Variants in PXK observed in about 807,000 individuals in gnomAD.
PXK encodes the protein PX domain-containing protein kinase-like protein.
Under a neutral mutation model 84.7 loss-of-function variants are expected in PXK, and 35 were observed. That is an observed-to-expected ratio of 0.41 (90% confidence interval 0.32 to 0.55). The LOEUF (loss-of-function observed/expected upper bound fraction) is 0.55. PXK is among the 20% of genes least tolerant of loss of function. The pLI is 0.21. For missense variants in PXK, 634 were observed against 699.7 expected, an observed-to-expected ratio of 0.91 and a Z score of 1.06; for synonymous variants, 253 against 260.8, an observed-to-expected ratio of 0.97 and a Z score of 0.29.
At chr3:58,375,140 A>G (rs1266056048) in intron 3 of PXK, among the ~76,000 whole-genome samples, 1 of 152,206 alleles carries the variant, frequency 6.6e-6, no homozygotes, top group Non-Finnish European at 1.5e-5. Context: ...ACATCCCCAC[A>G]ATGAAAGAAA....
chr3:58,346,277 TA>T (rs996527094), intron 1 of PXK, among the ~76,000 whole-genome samples: 2 of 151,988 alleles, frequency 1.3e-5, no homozygotes, highest in Non-Finnish European at 2.9e-5. Context: ...TTAGGAAGCT[TA>T]ATTTGCTGTC....
rs570826907 is a variant in PXK, at chr3:58,404,698, T to C, written c.1230+788T>C. 5.9e-5 allele frequency among the ~76,000 whole-genome samples: 9 copies of C among 152,344 alleles called. No individual in the cohort carries two copies. In the South Asian group the frequency reaches 1.9e-3, roughly 32 times the overall value. ...CCATGGCTCTTGGCAGTGCTCACTA[T>C]GAGTGCGATTTGGGTAGGAGGATAA... On this transcript the variant is annotated intron_variant, in intron 13 of 17. Coordinates refer to ENST00000356151, the MANE Select transcript of PXK (RefSeq NM_017771.5).
At chr3:58,389,676 AC>A (rs76177406) in intron 4 of PXK, among the ~76,000 whole-genome samples, 44,170 of 136,520 alleles carry the variant, frequency 0.32, 7,228 homozygotes, top group Middle Eastern at 0.42. Flanking sequence ...ACAAAAACAA[AC>A]AAAAAAAAAA....
Position 58,382,559 on chromosome 3 carries a change from A to G in PXK, c.247A>G (p.Asn83Asp). The G allele has an allele frequency of 6.2e-7, 1 of 1,601,442 alleles. No homozygotes were observed. Among genetic ancestry groups the G allele is most frequent in the East Asian group, 2.3e-5 (1 of 44,136 alleles). The change falls in exon 4 of 18, where the codon AAC becomes GAC. Residue 83 changes from asparagine (N) to aspartate (D), a missense_variant. Around this residue, in one of 3 missense-constraint regions of PXK, gnomAD observed 353 missense variants for 385.2 expected, o/e 0.92. Coordinates refer to ENST00000356151, the MANE Select transcript of PXK (RefSeq NM_017771.5). The part of the protein sequence containing the change: ...LPLPPKKLIG[N>D]MDREFIAERQ... Reference sequence around the variant, plus strand: ...TCTTCCTCCCAAAAAATTGATTGGTAACATGGATCGTGAATTCATAGCTGA... The same window carrying G: ...TCTTCCTCCCAAAAAATTGATTGGTGACATGGATCGTGAATTCATAGCTGA...
At position 58,365,166 on chromosome 3, in the gene PXK, C is replaced by G. The variant is rs377679719; in HGVS notation, c.103-708C>G. 1.4e-4 allele frequency among the ~76,000 whole-genome samples: 21 copies of G among 152,066 alleles called. 1 individual carries two copies. Among genetic ancestry groups the G allele is most frequent in the African/African-American group, 5.1e-4 (21 of 41,492 alleles). On this transcript the variant is annotated intron_variant, in intron 1 of 17. Coordinates refer to ENST00000356151, the MANE Select transcript of PXK (RefSeq NM_017771.5). ...GCATTTAGTGCTTAAATTTCCCTCT[C>G]AGTGCTGTGTTAGCTGACGTGTCCC...
At chr3:58,408,785 G>A in intron 13 of PXK, 139 bp from the exon 14 acceptor site, 1 of 655,246 alleles carries the variant, frequency 1.5e-6, no homozygotes, top group South Asian at 1.6e-5. Context: ...GCCTCTCAAA[G>A]TCCTGGGATT....
At chr3:58,413,003 G>A (rs13071688) in intron 17 of PXK, 40 bp downstream of exon 17, 128,898 of 1,601,232 alleles carry the variant, frequency 0.08, 5,747 homozygotes, top group Middle Eastern at 0.13. Context: ...CTTCCTGTCC[G>A]CCAACAGGAG....
chr3:58,387,019 G>A (rs534883827), intron 4 of PXK, among the ~76,000 whole-genome samples: 1 of 152,314 alleles, frequency 6.6e-6, no homozygotes, highest in African/African-American at 2.4e-5. Flanking sequence ...CTGCTGTGGT[G>A]GACTAGGAGT....
intron 4 of PXK, among the ~76,000 whole-genome samples, chr3:58,384,972 C>T (rs370622593): frequency 6.6e-6 from 1 of 152,148 alleles, no homozygotes; most frequent in African/African-American, 2.4e-5. Context: ...GGGCCCTAGC[C>T]AGGATTGCAC....
At chr3:58,353,201 G>C (rs2097975920) in intron 1 of PXK, among the ~76,000 whole-genome samples, 2 of 152,096 alleles carry the variant, frequency 1.3e-5, no homozygotes, top group African/African-American at 2.4e-5. Flanking sequence ...GTTTCACCGT[G>C]TTAGCCAGAA....
At chr3:58,410,213 GTC>G (rs1045937202) in intron 16 of PXK, 54 bp downstream of exon 16, 61 of 1,364,782 alleles carry the variant, frequency 4.5e-5, no homozygotes, top group Non-Finnish European at 6.3e-5. Flanking sequence ...AGGATCAGGA[GTC>G]TCTAGTTGGT....
intron 3 of PXK, among the ~76,000 whole-genome samples, chr3:58,371,858 TAAAC>T (rs1412029816): frequency 6.6e-6 from 1 of 152,156 alleles, no homozygotes; most frequent in Non-Finnish European, 1.5e-5. Context: ...TGGATTCAAG[TAAAC>T]AAACAGAAGA....
chr3:58,417,993 A>AT (rs112255414), intron 17 of PXK, among the ~76,000 whole-genome samples: 2,789 of 151,994 alleles, frequency 0.018, 85 homozygotes, highest in African/African-American at 0.064. Context: ...TAATTTTTAT[A>AT]TTTTTTTGTA....
At chr3:58,422,086 T>C in intron 17 of PXK, 1 of 985,334 alleles carries the variant, frequency 1.0e-6, no homozygotes, top group Non-Finnish European at 1.2e-6. Flanking sequence ...CCCTGCCCCC[T>C]CTTCCTCCAT....
Position 58,390,450 on chromosome 3 carries a change from A to ATT in PXK, c.389-123_389-122dup. ...GTGTGTATTTTCTTTCTTTATTATTATTTTTTTTTTGGTAATTAAGTTTTT... is the reference window on the plus strand; with the variant it reads ...GTGTGTATTTTCTTTCTTTATTATTATTTTTTTTTTTTGGTAATTAAGTTTTT... On this transcript the variant is annotated intron_variant, in intron 4 of 17. Coordinates refer to ENST00000356151, the MANE Select transcript of PXK (RefSeq NM_017771.5). The surrounding 1 kb of genome is among the most constrained non-coding windows in gnomAD (Gnocchi z 4.2). 4 of 431,762 alleles carry ATT rather than the reference A, an allele frequency of 9.3e-6. No homozygotes were observed. Among genetic ancestry groups the ATT allele is most frequent in the Non-Finnish European group, 1.2e-5 (3 of 255,084 alleles). 26.7% of individuals were successfully genotyped at this position (431,762 alleles called of 1,614,324 possible).
chr3:58,370,518 G>A lies in PXK; in HGVS notation c.201+1040G>A, dbSNP rs1414766916. Among the ~76,000 whole-genome samples, 4 of 152,108 alleles carry A rather than the reference G, an allele frequency of 2.6e-5. No homozygotes were observed. The highest frequency in any genetic ancestry group is 4.4e-5 in the Non-Finnish European group (3 of 68,018). On this transcript the variant is annotated intron_variant, in intron 3 of 17. Coordinates refer to ENST00000356151, the MANE Select transcript of PXK (RefSeq NM_017771.5). This position sits in a 1 kb window ranked among gnomAD's most constrained non-coding sequence, Gnocchi z 4.2. ...CCTTTAAACCTGAGGAAGAGTGCAC[G>A]GCTTATGAGGTAAAGGACTCAGCCA...
At chr3:58,402,198 C>G (rs951213382) in intron 12 of PXK, among the ~76,000 whole-genome samples, 1 of 152,002 alleles carries the variant, frequency 6.6e-6, no homozygotes, top group Non-Finnish European at 1.5e-5. Flanking sequence ...TGCTTTCCCT[C>G]TTTCCCTCTC....
In PXK at chr3:58,400,420, T is replaced by A. The variant is rs766576079; in HGVS notation, c.1181+1043T>A. On this transcript the variant is annotated intron_variant, in intron 12 of 17. Transcript: ENST00000356151. The surrounding 1 kb of genome is among the most constrained non-coding windows in gnomAD (Gnocchi z 4.0). The stretch of plus-strand genomic sequence containing the variant: ...CAGCTTGAAGGGCATGTAGCCAGAG[T>A]TCAGAGAAGGTAGAGATAACTTCCG... Among the ~76,000 whole-genome samples the A allele has an allele frequency of 2.0e-5, 3 of 151,686 alleles. No homozygotes were observed. The highest frequency in any genetic ancestry group is 4.8e-5 in the African/African-American group (2 of 41,292).
chr3:58,360,726 G>C (rs1166626387), intron 1 of PXK, among the ~76,000 whole-genome samples: 1 of 151,826 alleles, frequency 6.6e-6, no homozygotes, highest in East Asian at 1.9e-4. Context: ...CAGCTACTTG[G>C]GAGGTTGAGG....
Sources: allele counts gnomAD v4.1 joint callset (sites outside exome capture counted in the v4.1 genomes callset), GRCh38; gene constraint gnomAD v4.1.1; regional missense constraint gnomAD v4.1.1; non-coding constraint Gnocchi (gnomAD v3.1); transcripts MANE v1.5; gene names NCBI Gene and HGNC (gene_info 2026-07-23, HGNC 2026-07-21).